The following MTR variants were observed in gnomAD, a reference collection of about 807,000 sequenced individuals.
The protein encoded by MTR is methionine synthase.
A neutral mutation model predicts 154.8 loss-of-function variants in MTR; 84 were observed. The observed-to-expected ratio is 0.54, with a 90% confidence interval of 0.45 to 0.65. MTR has a LOEUF of 0.65. MTR is among the 30% of genes least tolerant of loss of function. MTR has a pLI of 0.00. For missense variants in MTR, 1,275 were observed against 1,570.2 expected, an observed-to-expected ratio of 0.81 and a Z score of 3.18; for synonymous variants, 554 against 553.9, an observed-to-expected ratio of 1.00 and a Z score of 0.00.
chr1:236,852,567 C>G lies in MTR; in HGVS notation c.1742C>G (p.Ser581Cys). 1 of 1,614,016 alleles carries G rather than the reference C, an allele frequency of 6.2e-7. No homozygotes were observed. Among genetic ancestry groups the G allele is most frequent in the Non-Finnish European group, 8.5e-7 (1 of 1,179,964 alleles). The change falls in exon 17 of 33, where the codon TCC becomes TGC. Residue 581 changes from serine to cysteine, a missense_variant. Ser to Cys is a moderately radical substitution (Grantham distance 112, BLOSUM62 -1). Coordinates refer to ENST00000366577, the MANE Select transcript of MTR (RefSeq NM_000254.3). ...ARISGGLSNL[S>C]FSFRGMEAIR... ...ATAAGTGGAGGTCTTTCCAACTTGT[C>G]CTTCTCCTTCCGAGGAATGGAAGCC...
intron 8 of MTR, among the ~76,000 whole-genome samples, chr1:236,822,272 G>C (rs1662003686): frequency 7.3e-6 from 1 of 137,858 alleles, no homozygotes; most frequent in Non-Finnish European, 1.6e-5. Flanking sequence ...TATTTCATTT[G>C]TTTTGGTGCT....
chr1:236,811,327 A>C (rs1341988578), intron 5 of MTR, among the ~76,000 whole-genome samples: 1 of 152,226 alleles, frequency 6.6e-6, no homozygotes, highest in African/African-American at 2.4e-5. Flanking sequence ...ACACAGCCAA[A>C]CCATATCAAC....
In MTR at chr1:236,861,115, T is replaced by TA; in HGVS notation, c.2044-10_2044-9insA. On this transcript the variant is annotated splice_polypyrimidine_tract_variant and intron_variant, in intron 19 of 32. Transcript: ENST00000366577. ...TCTTTTTCTTTTTTTTTTTTTTTTG[T>TA]CTTTTTTAGGGCATTGAAAAACATA... The TA allele has an allele frequency of 2.7e-6, 4 of 1,496,926 alleles. No individual in the cohort carries two copies. The highest frequency in any genetic ancestry group is 3.6e-6 in the Non-Finnish European group (4 of 1,118,946). The allele number at this position is 1,496,926 out of a possible 1,614,324, so 92.7% of individuals were successfully genotyped here.
intron 5 of MTR, among the ~76,000 whole-genome samples, chr1:236,810,921 A>G (rs907132072): frequency 3.9e-5 from 6 of 152,238 alleles, no homozygotes; most frequent in Admixed American, 2.0e-4. Context: ...TTTGTGGTCT[A>G]TTATAAAATA....
At chr1:236,894,206 C>A in intron 29 of MTR, 151 bp from the exon 30 acceptor site, 1 of 713,014 alleles carries the variant, frequency 1.4e-6, no homozygotes, top group Non-Finnish European at 2.5e-6. Context: ...ATTCCAAGTA[C>A]TGGGGATGTA....
In MTR at chr1:236,900,533, G is replaced by A. The variant is rs1666873656; in HGVS notation, c.*2889G>A. On this transcript the variant is annotated 3_prime_UTR_variant, in exon 33 of 33. Coordinates refer to ENST00000366577, the MANE Select transcript of MTR (RefSeq NM_000254.3). Reference sequence around the variant, plus strand: ...TTATGCAGCTGTTCTGGTTCCTCCTGGTAGGCTTACAAGTGTTTACTATAT... The same window carrying A: ...TTATGCAGCTGTTCTGGTTCCTCCTAGTAGGCTTACAAGTGTTTACTATAT... 6.5e-6 allele frequency: 1 copy of A among 153,150 alleles called. No individual in the cohort carries two copies. The highest frequency in any genetic ancestry group is 6.5e-5 in the Admixed American group (1 of 15,410). The allele number at this position is 153,150 out of a possible 1,614,324, so 9.5% of individuals were successfully genotyped here.
intron 21 of MTR, 143 bp from the exon 22 acceptor site, chr1:236,863,311 G>A: frequency 1.3e-6 from 1 of 741,298 alleles, no homozygotes. Flanking sequence ...TGAACTGTTT[G>A]GGCTTCGGTT....
chr1:236,856,966 A>C (rs974289108), intron 18 of MTR, among the ~76,000 whole-genome samples: 15 of 152,182 alleles, frequency 9.9e-5, no homozygotes, highest in African/African-American at 3.4e-4. Context: ...AGTCTTTGCT[A>C]CTGTGAACAG....
rs773580767 is a variant in MTR at position 236,795,657 on chromosome 1, C to T, written c.-47C>T. On this transcript the variant is annotated 5_prime_UTR_variant, in exon 1 of 33. Transcript: ENST00000366577. The stretch of plus-strand genomic sequence containing the variant: ...CTTGGCCGTCGTCACCTGTGGAGAG[C>T]ACGTCTTCTCTGCCGCGCCCTCTGC... 2.1e-5 allele frequency: 34 copies of T among 1,612,616 alleles called. No homozygotes were observed. Among genetic ancestry groups the T allele is most frequent in the Admixed American group, 3.3e-5 (2 of 60,000 alleles).
At chr1:236,874,543 C>A (rs1665321124) in intron 23 of MTR, among the ~76,000 whole-genome samples, 183 bp from the exon 24 acceptor site, 1 of 151,084 alleles carries the variant, frequency 6.6e-6, no homozygotes, top group Non-Finnish European at 1.5e-5. Flanking sequence ...TGCACTCCAA[C>A]CTGGGCAACC....
intron 30 of MTR, chr1:236,894,929 A>G (rs546606102): frequency 2.8e-6 from 1 of 354,600 alleles, no homozygotes; most frequent in African/African-American, 2.1e-5. Context: ...TGCTGGTGTC[A>G]TCTATAGATT....
rs148759651 is a variant in MTR, at chr1:236,902,110, A to T, written c.*4466A>T. 3 of 152,434 alleles carry T rather than the reference A, an allele frequency of 2.0e-5. No individual in the cohort carries two copies. The highest frequency in any genetic ancestry group is 7.2e-5 in the African/African-American group (3 of 41,518). The allele number at this position is 152,434 out of a possible 1,614,324, so 9.4% of individuals were successfully genotyped here. Reference sequence around the variant, plus strand: ...GCCTCAATCCTCCTGCTGCCTGAATAACCATCTCCCCGTGACCTAGGATAT... The same window carrying T: ...GCCTCAATCCTCCTGCTGCCTGAATTACCATCTCCCCGTGACCTAGGATAT... On this transcript the variant is annotated 3_prime_UTR_variant, in exon 33 of 33. Coordinates refer to ENST00000366577, the MANE Select transcript of MTR (RefSeq NM_000254.3).
rs1166063568 is a variant in MTR at position 236,887,410 on chromosome 1, AGGAGTT to A, written c.2851+1044_2851+1049del. Among the ~76,000 whole-genome samples the A allele has an allele frequency of 2.6e-4, 39 of 152,322 alleles. No homozygotes were observed. The East Asian group carries it at 6.4e-3, about 25-fold the overall frequency. ...TTGACAGTTTTTACCACGTAAAAAAAGGAGTTACTTTTTGGAAATGTTGTGAGGGTA... is the reference window on the plus strand; with the variant it reads ...TTGACAGTTTTTACCACGTAAAAAAAACTTTTTGGAAATGTTGTGAGGGTA... On this transcript the variant is annotated intron_variant, in intron 27 of 32. Transcript: ENST00000366577.
rs1207024845 is a variant in MTR at position 236,902,134 on chromosome 1, A to G, written c.*4490A>G. On this transcript the variant is annotated 3_prime_UTR_variant, in exon 33 of 33. Coordinates refer to ENST00000366577, the MANE Select transcript of MTR (RefSeq NM_000254.3). ...TAACCATCTCCCCGTGACCTAGGATATATCCCAGCCCCTTAGAGGCATGCA... is the reference window on the plus strand; with the variant it reads ...TAACCATCTCCCCGTGACCTAGGATGTATCCCAGCCCCTTAGAGGCATGCA... The G allele has an allele frequency of 6.6e-6, 1 of 152,218 alleles. No individual in the cohort carries two copies. Among genetic ancestry groups the G allele is most frequent in the African/African-American group, 2.4e-5 (1 of 41,380 alleles). The allele number at this position is 152,218 out of a possible 1,614,324, so 9.4% of individuals were successfully genotyped here.
At chr1:236,854,379 C>A (rs748550165) in intron 18 of MTR, among the ~76,000 whole-genome samples, 1 of 152,208 alleles carries the variant, frequency 6.6e-6, no homozygotes. Flanking sequence ...CAGATACAAT[C>A]AAGTTCTACT....
Position 236,883,362 on chromosome 1 carries a change from G to A in MTR, c.2677-1759G>A, listed in dbSNP as rs569055122. ...ACTGGGCCAGAAGGGGCCTGCCACT[G>A]TGGCTCTGGGAGCAGCGGGCTTCAT... is the stretch of plus-strand genomic sequence containing the variant. On this transcript the variant is annotated intron_variant, in intron 25 of 32. Transcript: ENST00000366577. 1.1e-4 allele frequency among the ~76,000 whole-genome samples: 16 copies of A among 152,204 alleles called. No homozygotes were observed. In the East Asian group the frequency reaches 2.7e-3, roughly 26 times the overall value.
chr1:236,878,147 G>T (rs1272357993), intron 24 of MTR, among the ~76,000 whole-genome samples: 1 of 151,850 alleles, frequency 6.6e-6, no homozygotes, highest in Non-Finnish European at 1.5e-5. Context: ...TGCTATCTTA[G>T]TGCTGTCTTT....
In MTR at chr1:236,810,983, G is replaced by C. The variant is rs577234715; in HGVS notation, c.502+388G>C. On this transcript the variant is annotated intron_variant, in intron 5 of 32. Coordinates refer to ENST00000366577, the MANE Select transcript of MTR (RefSeq NM_000254.3). ...GGCAGTCCAAACTATCTAGACATCT[G>C]TATTAGTCCATTTTCACACTGCTGA... Among the ~76,000 whole-genome samples the C allele has an allele frequency of 4.4e-3, 675 of 152,302 alleles. 11 individuals carry two copies. The highest frequency in any genetic ancestry group is 0.015 in the African/African-American group (643 of 41,564).
chr1:236,808,861 A>T, intron 4 of MTR, 88 bp downstream of exon 4: 1 of 1,256,768 alleles, frequency 8.0e-7, no homozygotes, highest in Non-Finnish European at 1.2e-6. Context: ...GTTTTTCCTT[A>T]TGTGGCCTTT....
Sources: allele counts gnomAD v4.1 joint callset (sites outside exome capture counted in the v4.1 genomes callset), GRCh38; gene constraint gnomAD v4.1.1; transcripts MANE v1.5; gene names NCBI Gene and HGNC (gene_info 2026-07-23, HGNC 2026-07-21).